The following FAIM2 variants were observed in gnomAD, a reference collection of about 807,000 sequenced individuals.
FAIM2 encodes Fas apoptotic inhibitory molecule 2, also known as protein lifeguard 2.
In FAIM2, 27 loss-of-function variants were observed where a neutral mutation model predicts 47.4. The ratio of observed to expected loss-of-function variants is 0.57; its 90% CI spans 0.42 to 0.78. FAIM2 has a LOEUF of 0.78. Ranked by LOEUF, FAIM2 falls within the 30% of genes least tolerant of loss-of-function variation. The pLI, the probability that FAIM2 is intolerant of heterozygous loss-of-function variation, is 0.00. For synonymous variants in FAIM2, 156 were observed against 159.3 expected (o/e 0.98, Z 0.16); for missense variants, 311 against 389.4 (o/e 0.80, Z 1.69).
intron 11 of FAIM2, among the ~76,000 whole-genome samples, chr12:49,879,703 T>A (rs199943500): frequency 6.9e-6 from 1 of 145,886 alleles, no homozygotes; most frequent in African/African-American, 2.5e-5. Flanking sequence ...TGTGTGCATG[T>A]GTGTGTGTGT....
At chr12:49,889,242 A>T in intron 9 of FAIM2, 40 bp from the exon 10 acceptor site, 2 of 1,523,082 alleles carry the variant, frequency 1.3e-6, no homozygotes, top group Non-Finnish European at 1.8e-6. Context: ...GAGCGGCCTG[A>T]CCTTCCTGGG....
chr12:49,894,501 A>T (rs1430676870), intron 5 of FAIM2, among the ~76,000 whole-genome samples: 2 of 152,090 alleles, frequency 1.3e-5, no homozygotes, highest in African/African-American at 4.8e-5. Flanking sequence ...CTGGCAGCCC[A>T]GGGGGCAGGG....
chr12:49,893,544 C>T (rs1946915151), intron 5 of FAIM2, among the ~76,000 whole-genome samples: 1 of 152,160 alleles, frequency 6.6e-6, no homozygotes, highest in African/African-American at 2.4e-5. Flanking sequence ...CTGGTAGGTG[C>T]TCTTCAAATA....
intron 2 of FAIM2, 119 bp downstream of exon 2, chr12:49,901,011 A>C: frequency 1.4e-6 from 1 of 738,026 alleles, no homozygotes. Context: ...ATCTAACAAC[A>C]CAGCTTCATA....
At chr12:49,895,398 C>T (rs1946929242) in intron 5 of FAIM2, among the ~76,000 whole-genome samples, 1 of 152,170 alleles carries the variant, frequency 6.6e-6, no homozygotes, top group African/African-American at 2.4e-5. Context: ...GTCTCCCTGC[C>T]ACCACCTGCT....
At chr12:49,880,723 T>TATGTGC (rs1293903949) in intron 11 of FAIM2, among the ~76,000 whole-genome samples, 1 of 60,386 alleles carries the variant, frequency 1.7e-5, no homozygotes, top group Non-Finnish European at 3.1e-5. Context: ...CATGCGTGTA[T>TATGTGC]ATGTGTGTGT....
chr12:49,876,687 G>A (rs1032208390), intron 11 of FAIM2, among the ~76,000 whole-genome samples: 5 of 152,040 alleles, frequency 3.3e-5, no homozygotes, highest in African/African-American at 1.2e-4. Context: ...CAGGAGAATG[G>A]CGTGAACCCA....
In FAIM2 at chr12:49,870,576, G is replaced by C; in HGVS notation, c.879C>G (p.Ala293=). 1.9e-6 allele frequency: 3 copies of C among 1,613,944 alleles called. No individual in the cohort carries two copies. The highest frequency in any genetic ancestry group is 2.5e-6 in the Non-Finnish European group (3 of 1,179,880). Residue 293 remains alanine (A), a synonymous_variant, in exon 12 of 12, where the codon GCC becomes GCG. Coordinates refer to ENST00000320634, the MANE Select transcript of FAIM2 (RefSeq NM_012306.4). ...AGATGATGTCTAGGTAAATGTTGAGGGCTCCAAAAATATACTCCTCAGGGC... is the reference window on the plus strand; with the variant it reads ...AGATGATGTCTAGGTAAATGTTGAGCGCTCCAAAAATATACTCCTCAGGGC... The part of the protein sequence containing the change: ...SLSPEEYIFG[A]LNIYLDIIYI...
At chr12:49,884,984 ACT>A (rs1331358525) in intron 11 of FAIM2, among the ~76,000 whole-genome samples, 2 of 151,714 alleles carry the variant, frequency 1.3e-5, no homozygotes, top group Middle Eastern at 3.2e-3. Context: ...AAAAAAAAAG[ACT>A]CTGTGCCAGC....
At chr12:49,896,442 C>T (rs943655785) in intron 5 of FAIM2, among the ~76,000 whole-genome samples, 1 of 152,164 alleles carries the variant, frequency 6.6e-6, no homozygotes, top group Admixed American at 6.5e-5. Context: ...CAAGCCTTAA[C>T]CTGAATTCTG....
chr12:49,880,881 A>AGTGT (rs56101227), intron 11 of FAIM2, among the ~76,000 whole-genome samples: 50,471 of 150,792 alleles, frequency 0.33, 8,712 homozygotes, highest in Non-Finnish European at 0.39. Flanking sequence ...CGTGAATGTG[A>AGTGT]GTGTGTGTGT....
intron 5 of FAIM2, among the ~76,000 whole-genome samples, chr12:49,893,305 C>T (rs1303297700): frequency 2.6e-5 from 4 of 151,966 alleles, no homozygotes; most frequent in Admixed American, 6.6e-5. Flanking sequence ...TCCCTGGAAA[C>T]GTGCCTGCCA....
chr12:49,897,720 AG>A (rs1592794552), intron 3 of FAIM2, 137 bp from the exon 4 acceptor site: 2 of 682,588 alleles, frequency 2.9e-6, no homozygotes, highest in African/African-American at 3.6e-5. Context: ...GAGTGAACCC[AG>A]GGCAAGGCGA....
At position 49,889,092 on chromosome 12, in the gene FAIM2, G is replaced by C; in HGVS notation, c.747+15C>G. ...TCCCTCCCCATGGGGCCTGCTGGGG[G>C]ACCCAGAGACTCACATATTGGAAGG... On this transcript the variant is annotated intron_variant, in intron 10 of 11. Coordinates refer to ENST00000320634, the MANE Select transcript of FAIM2 (RefSeq NM_012306.4). The C allele has an allele frequency of 6.3e-7, 1 of 1,590,136 alleles. No individual in the cohort carries two copies. The highest frequency in any genetic ancestry group is 8.6e-7 in the Non-Finnish European group (1 of 1,163,780).
At chr12:49,884,046 A>AC (rs748462477) in intron 11 of FAIM2, among the ~76,000 whole-genome samples, 1 of 152,032 alleles carries the variant, frequency 6.6e-6, no homozygotes, top group Admixed American at 6.6e-5. Flanking sequence ...ACATGGCAAG[A>AC]CCCCATCTCT....
intron 2 of FAIM2, 62 bp from the exon 3 acceptor site, chr12:49,898,152 A>C: frequency 1.6e-6 from 2 of 1,251,454 alleles, no homozygotes; most frequent in Admixed American, 3.4e-5. Flanking sequence ...ACTGTCCCCA[A>C]CAGCCCCCAA....
intron 5 of FAIM2, among the ~76,000 whole-genome samples, chr12:49,896,736 C>T (rs1381134532): frequency 6.6e-6 from 1 of 152,186 alleles, no homozygotes; most frequent in African/African-American, 2.4e-5. Flanking sequence ...CTCTTAGGAC[C>T]GAGGTCTGGG....
At chr12:49,900,885 G>GA (rs59298474) in intron 2 of FAIM2, among the ~76,000 whole-genome samples, 16 of 150,726 alleles carry the variant, frequency 1.1e-4, no homozygotes, top group Non-Finnish European at 1.6e-4. Context: ...ATGGTGACTT[G>GA]AAAAAAAAAT....
chr12:49,895,021 A>G (rs980749489), intron 5 of FAIM2, among the ~76,000 whole-genome samples: 4 of 151,890 alleles, frequency 2.6e-5, no homozygotes, highest in African/African-American at 9.7e-5. Context: ...CACGAGGCCA[A>G]CTTAGGGGGC....
Sources: gnomAD v4.1 joint callset for allele counts (sites outside exome capture counted in the v4.1 genomes callset) on GRCh38, gnomAD v4.1.1 for gene constraint, MANE v1.5 for transcripts, NCBI Gene and HGNC (gene_info 2026-07-23, HGNC 2026-07-21) for gene names.